FNDC3B: variants seen among roughly 807,000 people sequenced by gnomAD.
FNDC3B encodes fibronectin type III domain containing 3B.
A neutral mutation model predicts 151.5 loss-of-function variants in FNDC3B; 12 were observed. That is an observed-to-expected ratio of 0.08 (90% confidence interval 0.05 to 0.13). The LOEUF (loss-of-function observed/expected upper bound fraction) is 0.13. Ranked by LOEUF, FNDC3B falls within the 10% of genes least tolerant of loss-of-function variation. The pLI is 1.00. For synonymous variants in FNDC3B, 528 were observed against 549.0 expected, an observed-to-expected ratio of 0.96 and a Z score of 0.54; for missense variants, 1,214 against 1,505.3, an observed-to-expected ratio of 0.81 and a Z score of 3.20.
At chr3:172,379,850 A>T (rs1168885765) in intron 24 of FNDC3B, among the ~76,000 whole-genome samples, 1 of 152,128 alleles carries the variant, frequency 6.6e-6, no homozygotes, top group Non-Finnish European at 1.5e-5. Context: ...CAAAAAATAC[A>T]ATGGCACATT....
chr3:172,099,632 A>C lies in FNDC3B; in HGVS notation c.-28-12820A>C, dbSNP rs147685325. Among the ~76,000 whole-genome samples, 329 of 152,260 alleles carry C rather than the reference A, an allele frequency of 2.2e-3. 1 individual carries two copies. Among genetic ancestry groups the C allele is most frequent in the Middle Eastern group, 6.8e-3 (2 of 294 alleles). On this transcript the variant is annotated intron_variant, in intron 1 of 25. Transcript: ENST00000415807. ...CCCAGCAGGAAGTACCTGGCCCCCA[A>C]CATCAGTTTTCTTAGCCCTCCAGCC... is the stretch of plus-strand genomic sequence containing the variant.
chr3:172,146,038 C>T (rs911241443), intron 3 of FNDC3B, among the ~76,000 whole-genome samples: 19 of 152,094 alleles, frequency 1.2e-4, no homozygotes, highest in Admixed American at 4.6e-4. Context: ...ATCTTGAGCT[C>T]CCATCCTCAG....
rs76005025 is a variant in FNDC3B at position 172,377,762 on chromosome 3, A to G, written c.3009-508A>G. On this transcript the variant is annotated intron_variant, in intron 23 of 25. Transcript: ENST00000415807. ...ATCCTAAATATCTCCTTAGCAGTTG[A>G]GGAATGGGGCTTTGAAAGCTCTTGG... 8.4e-3 allele frequency among the ~76,000 whole-genome samples: 1,279 copies of G among 152,226 alleles called. 5 individuals carry two copies. The highest frequency in any genetic ancestry group is 0.012 in the Non-Finnish European group (796 of 68,014).
chr3:172,149,148 C>G (rs1056225589), intron 3 of FNDC3B, among the ~76,000 whole-genome samples: 1 of 152,206 alleles, frequency 6.6e-6, no homozygotes, highest in South Asian at 2.1e-4. Flanking sequence ...TTCACTGATA[C>G]AAATCTTACT....
chr3:172,046,466 C>G (rs372161741), intron 1 of FNDC3B, among the ~76,000 whole-genome samples: 1 of 151,680 alleles, frequency 6.6e-6, no homozygotes, highest in African/African-American at 2.4e-5. Context: ...TATAGGTTCA[C>G]GCCACCATGC....
chr3:172,142,021 T>C (rs1325632802), intron 3 of FNDC3B, among the ~76,000 whole-genome samples: 1 of 152,192 alleles, frequency 6.6e-6, no homozygotes, highest in African/African-American at 2.4e-5. Context: ...TATTGTAAAA[T>C]TAGTTCCTTA....
chr3:172,262,781 C>T (rs1050680774), intron 6 of FNDC3B, among the ~76,000 whole-genome samples: 4 of 150,410 alleles, frequency 2.7e-5, no homozygotes, highest in Non-Finnish European at 5.9e-5. Context: ...CCTGTAATCC[C>T]AGCTACTTGG....
chr3:172,352,374 A>G lies in FNDC3B; in HGVS notation c.2515-429A>G, dbSNP rs1334457840. Among the ~76,000 whole-genome samples the G allele has an allele frequency of 6.6e-6, 1 of 152,188 alleles. No homozygotes were observed. Among genetic ancestry groups the G allele is most frequent in the East Asian group, 1.9e-4 (1 of 5,188 alleles). ...CAGGACAGCTCTAGACTTAAAAGTC[A>G]GATGAACCGGATTCCGGTCCCAGCT... On this transcript the variant is annotated intron_variant, in intron 21 of 25. Transcript: ENST00000415807. The surrounding 1 kb of genome is among the most constrained non-coding windows in gnomAD (Gnocchi z 4.2).
chr3:172,396,639 C>A (rs1736295845), intron 25 of FNDC3B, among the ~76,000 whole-genome samples: 1 of 152,196 alleles, frequency 6.6e-6, no homozygotes, highest in South Asian at 2.1e-4. Context: ...TGAGCTCTGC[C>A]TCCTGTCAGA....
intron 23 of FNDC3B, among the ~76,000 whole-genome samples, chr3:172,377,728 C>T (rs866989956): frequency 5.3e-5 from 8 of 152,036 alleles, no homozygotes; most frequent in Admixed American, 6.5e-5. Flanking sequence ...GTGTTCTCAA[C>T]GATCCATAAT....
chr3:172,089,700 G>A (rs1718712403), intron 1 of FNDC3B, among the ~76,000 whole-genome samples: 1 of 152,142 alleles, frequency 6.6e-6, no homozygotes, highest in Admixed American at 6.5e-5. Flanking sequence ...TAATAAGGCT[G>A]TCTTGTGAAG....
intron 2 of FNDC3B, among the ~76,000 whole-genome samples, chr3:172,131,337 G>A (rs932876516): frequency 9.9e-5 from 15 of 151,540 alleles, no homozygotes; most frequent in African/African-American, 3.4e-4. Context: ...AGGTTGCAGT[G>A]AGCTGAGATC....
intron 1 of FNDC3B, among the ~76,000 whole-genome samples, chr3:172,094,949 T>C (rs1486327017): frequency 6.6e-6 from 1 of 151,852 alleles, no homozygotes; most frequent in Non-Finnish European, 1.5e-5. Flanking sequence ...CAGAATCTAG[T>C]AGTGACTTGA....
intron 3 of FNDC3B, among the ~76,000 whole-genome samples, chr3:172,167,438 G>T (rs1723061913): frequency 6.6e-6 from 1 of 152,168 alleles, no homozygotes; most frequent in Admixed American, 6.5e-5. Flanking sequence ...CACTGGTTCT[G>T]CCTGGTTCAC....
intron 22 of FNDC3B, among the ~76,000 whole-genome samples, chr3:172,358,073 G>A (rs1246175877): frequency 6.6e-6 from 1 of 152,202 alleles, no homozygotes; most frequent in Non-Finnish European, 1.5e-5. Context: ...ATAAGAGTAT[G>A]GTGTGCCAGA....
chr3:172,387,845 G>A (rs530287656), intron 25 of FNDC3B, among the ~76,000 whole-genome samples: 2 of 152,222 alleles, frequency 1.3e-5, no homozygotes, highest in Non-Finnish European at 2.9e-5. Context: ...AAGCAGTTCA[G>A]TAACGGTACC....
intron 3 of FNDC3B, among the ~76,000 whole-genome samples, chr3:172,147,883 G>GA (rs1051503352): frequency 1.1e-4 from 16 of 151,830 alleles, no homozygotes; most frequent in East Asian, 1.9e-4. Flanking sequence ...GGACAAAAGG[G>GA]AAAAAAATTC....
At chr3:172,343,222 G>A (rs376531310) in intron 18 of FNDC3B, 106 bp downstream of exon 18, 41 of 678,084 alleles carry the variant, frequency 6.0e-5, no homozygotes, top group South Asian at 3.5e-4. Flanking sequence ...GACCATATAC[G>A]TTTTTGTCTG....
chr3:172,087,956 G>A (rs1308761139), intron 1 of FNDC3B, among the ~76,000 whole-genome samples: 1 of 152,140 alleles, frequency 6.6e-6, no homozygotes, highest in Non-Finnish European at 1.5e-5. Context: ...TGAGAATGTA[G>A]TATATACCAC....
Sources: gnomAD v4.1 joint callset for allele counts (sites outside exome capture counted in the v4.1 genomes callset) on GRCh38, gnomAD v4.1.1 for gene constraint, Gnocchi (gnomAD v3.1) non-coding constraint, MANE v1.5 for transcripts, NCBI Gene and HGNC (gene_info 2026-07-23, HGNC 2026-07-21) for gene names.